The following SGO2 variants were observed in gnomAD, a reference collection of about 807,000 sequenced individuals.
SGO2 encodes shugoshin-like 2.
Under a neutral mutation model 99.5 loss-of-function variants are expected in SGO2, and 68 were observed. That is an observed-to-expected ratio of 0.68 (90% CI 0.56 to 0.84). The LOEUF is 0.84. Ranked by LOEUF, SGO2 falls within the 40% of genes least tolerant of loss-of-function variation. The pLI, the probability that SGO2 is intolerant of heterozygous loss-of-function variation, is 0.00. For synonymous variants in SGO2, 457 were observed against 487.1 expected (o/e 0.94, Z 0.81); for missense variants, 1,350 against 1,436.7 (o/e 0.94, Z 0.97).
chr2:200,570,843 A>G lies in SGO2; in HGVS notation c.704-207A>G, dbSNP rs533425750. Among the ~76,000 whole-genome samples the G allele has an allele frequency of 6.6e-6, 1 of 151,942 alleles. No individual in the cohort carries two copies. The highest frequency in any genetic ancestry group is 1.5e-5 in the Non-Finnish European group (1 of 67,898). On this transcript the variant is annotated intron_variant, in intron 6 of 8. Coordinates refer to ENST00000357799, the MANE Select transcript of SGO2 (RefSeq NM_152524.6). This position sits in a 1 kb window ranked among gnomAD's most constrained non-coding sequence, Gnocchi z 4.4. ...AATTCTCAGTATATATTTTCTGTAG[A>G]TACAAATGTAAAATGTGATTTAGGA... is the stretch of plus-strand genomic sequence containing the variant.
chr2:200,547,276 G>A (rs1052801499), intron 5 of SGO2, among the ~76,000 whole-genome samples: 6 of 152,178 alleles, frequency 3.9e-5, no homozygotes, highest in Non-Finnish European at 7.3e-5. Flanking sequence ...AGAATATTGT[G>A]TCCAACGAAT....
intron 5 of SGO2, among the ~76,000 whole-genome samples, chr2:200,563,392 A>G (rs1224822213): frequency 6.6e-6 from 1 of 152,168 alleles, no homozygotes; most frequent in African/African-American, 2.4e-5. Flanking sequence ...CCAGCCTTGT[A>G]TCCCAGGGAT....
intron 5 of SGO2, among the ~76,000 whole-genome samples, chr2:200,553,288 A>G (rs780291894): frequency 6.6e-6 from 1 of 152,232 alleles, no homozygotes; most frequent in Non-Finnish European, 1.5e-5. Flanking sequence ...TATCCCAAGT[A>G]AACTAAATAA....
chr2:200,555,237 G>C (rs1099017), intron 5 of SGO2, among the ~76,000 whole-genome samples: 1 of 151,864 alleles, frequency 6.6e-6, no homozygotes, highest in African/African-American at 2.4e-5. Flanking sequence ...TTATTTAAGC[G>C]CTTATTATTT....
rs1043239683 is a variant in SGO2 at position 200,570,437 on chromosome 2, A to G, written c.703+545A>G. Among the ~76,000 whole-genome samples the G allele has an allele frequency of 6.6e-5, 10 of 150,598 alleles. No individual in the cohort carries two copies. Among genetic ancestry groups the G allele is most frequent in the Non-Finnish European group, 1.3e-4 (9 of 67,670 alleles). On this transcript the variant is annotated intron_variant, in intron 6 of 8. Coordinates refer to ENST00000357799, the MANE Select transcript of SGO2 (RefSeq NM_152524.6). This position sits in a 1 kb window ranked among gnomAD's most constrained non-coding sequence, Gnocchi z 4.4. ...CAGACTGGGATATGGAACTATAACA[A>G]TTTTGAATTTAGAGCTTAGAATTGT...
Position 200,570,875 on chromosome 2 carries a change from A to G in SGO2, c.704-175A>G, listed in dbSNP as rs1408651904. 6.6e-6 allele frequency among the ~76,000 whole-genome samples: 1 copy of G among 152,040 alleles called. No individual in the cohort carries two copies. The highest frequency in any genetic ancestry group is 1.5e-5 in the Non-Finnish European group (1 of 67,936). On this transcript the variant is annotated intron_variant, in intron 6 of 8. Coordinates refer to ENST00000357799, the MANE Select transcript of SGO2 (RefSeq NM_152524.6). This position sits in a 1 kb window ranked among gnomAD's most constrained non-coding sequence, Gnocchi z 4.4. ...TGTAAAATGTGATTTAGGAGTATTC[A>G]TCATTTCTAACTTATTTTCTTATAA...
chr2:200,563,549 G>T (rs1249550356), intron 5 of SGO2, among the ~76,000 whole-genome samples: 1 of 152,142 alleles, frequency 6.6e-6, no homozygotes, highest in Non-Finnish European at 1.5e-5. Context: ...CCAGGCTTTG[G>T]TATCAGGATG....
chr2:200,545,637 G>A (rs1384566624), intron 5 of SGO2, among the ~76,000 whole-genome samples: 3 of 152,130 alleles, frequency 2.0e-5, no homozygotes, highest in African/African-American at 4.8e-5. Context: ...GCCAAAAAGA[G>A]GTGGAAAAAC....
chr2:200,536,938 T>C (rs1483484774), intron 4 of SGO2, among the ~76,000 whole-genome samples: 1 of 152,118 alleles, frequency 6.6e-6, no homozygotes, highest in Non-Finnish European at 1.5e-5. Context: ...AGGTGATTGC[T>C]TTCATCTATT....
At chr2:200,575,559 AAATG>A in intron 8 of SGO2, 98 bp downstream of exon 8, 21 of 859,870 alleles carry the variant, frequency 2.4e-5, no homozygotes, top group Non-Finnish European at 3.3e-5. Context: ...TAATTCAATA[AAATG>A]TATATTATTG....
At chr2:200,563,144 C>G (rs1333806096) in intron 5 of SGO2, among the ~76,000 whole-genome samples, 1 of 152,132 alleles carries the variant, frequency 6.6e-6, no homozygotes, top group East Asian at 1.9e-4. Flanking sequence ...TGCCAGTTTT[C>G]AAAGGGAATG....
At chr2:200,562,328 T>C (rs987869402) in intron 5 of SGO2, among the ~76,000 whole-genome samples, 3 of 152,174 alleles carry the variant, frequency 2.0e-5, no homozygotes, top group Non-Finnish European at 2.9e-5. Context: ...TTTCCCCATT[T>C]CTTGTTTTTG....
intron 5 of SGO2, among the ~76,000 whole-genome samples, chr2:200,569,300 G>T (rs2033304107): frequency 6.6e-6 from 1 of 151,762 alleles, no homozygotes; most frequent in African/African-American, 2.4e-5. Context: ...AAGATTTTTG[G>T]GTATTACATA....
At chr2:200,541,351 C>T (rs2031949269) in intron 4 of SGO2, among the ~76,000 whole-genome samples, 1 of 152,162 alleles carries the variant, frequency 6.6e-6, no homozygotes, top group Non-Finnish European at 1.5e-5. Context: ...CAGGGACCTA[C>T]CTCTCCTGTG....
At chr2:200,577,721 G>C (rs1486640191) in intron 8 of SGO2, among the ~76,000 whole-genome samples, 2 of 151,014 alleles carry the variant, frequency 1.3e-5, no homozygotes, top group East Asian at 3.9e-4. Context: ...AAGACTACTG[G>C]TCAGTTTATT....
chr2:200,582,209 A>G (rs1472795067), intron 8 of SGO2, among the ~76,000 whole-genome samples: 6 of 152,174 alleles, frequency 3.9e-5, no homozygotes, highest in Admixed American at 2.6e-4. Context: ...CATTTCTTTT[A>G]GTAGGAAAGT....
At chr2:200,574,060 A>G in intron 7 of SGO2, 83 bp downstream of exon 7, 1 of 1,046,350 alleles carries the variant, frequency 9.6e-7, no homozygotes. Flanking sequence ...CCAGTGAAGT[A>G]TTTTCTAACT....
chr2:200,539,247 A>G (rs2031844339), intron 4 of SGO2, among the ~76,000 whole-genome samples: 1 of 151,806 alleles, frequency 6.6e-6, no homozygotes, highest in South Asian at 2.1e-4. Context: ...TTATTAAATT[A>G]TTTTTCCTTA....
intron 8 of SGO2, among the ~76,000 whole-genome samples, chr2:200,582,944 A>G (rs1465622904): frequency 6.6e-6 from 1 of 152,208 alleles, no homozygotes; most frequent in African/African-American, 2.4e-5. Flanking sequence ...ACCAAACAAT[A>G]TACTTTGTGG....
Sources: allele counts gnomAD v4.1 joint callset (sites outside exome capture counted in the v4.1 genomes callset), GRCh38; gene constraint gnomAD v4.1.1; non-coding constraint Gnocchi (gnomAD v3.1); transcripts MANE v1.5; gene names NCBI Gene and HGNC (gene_info 2026-07-23, HGNC 2026-07-21).